LARP4B: variants seen among roughly 807,000 people sequenced by gnomAD.
LARP4B encodes La ribonucleoprotein 4B, also known as la-related protein 4B.
In LARP4B, 12 loss-of-function variants were observed where a neutral mutation model predicts 89.8. The ratio of observed to expected loss-of-function variants is 0.13; its 90% confidence interval spans 0.09 to 0.22. LARP4B has a LOEUF of 0.22. Among genes scored for constraint, LARP4B ranks in the 10% least tolerant of loss-of-function variants. The probability of loss-of-function intolerance (pLI) is 1.00; values close to 1 mark genes in which losing one functional copy is unlikely to be tolerated. For missense variants in LARP4B, 757 were observed against 947.7 expected (o/e 0.80, Z 2.64); for synonymous variants, 367 against 363.3 (o/e 1.01, Z -0.12).
At chr10:844,733 G>A (rs752270156) in intron 6 of LARP4B, among the ~76,000 whole-genome samples, 22 of 151,618 alleles carry the variant, frequency 1.5e-4, no homozygotes, top group Non-Finnish European at 2.7e-4. Context: ...AGCACAGGGC[G>A]GGCGGGGCAC....
At chr10:899,021 T>C (rs1024846168) in intron 1 of LARP4B, among the ~76,000 whole-genome samples, 3 of 152,234 alleles carry the variant, frequency 2.0e-5, no homozygotes, top group Non-Finnish European at 4.4e-5. Context: ...TCTTCATTCC[T>C]TCTTCCCTTT....
intron 14 of LARP4B, chr10:819,311 G>A (rs1045481077): frequency 1.3e-5 from 2 of 152,242 alleles, no homozygotes; most frequent in Admixed American, 6.5e-5. Context: ...CTGCCCAGAT[G>A]TGGGAGTTAC....
chr10:943,376 A>T, the LARP4B span, among the ~76,000 whole-genome samples: 2 of 152,176 alleles, frequency 1.3e-5, no homozygotes, highest in African/African-American at 2.4e-5. Context: ...TTCACAGGAC[A>T]GCAAGCATTT....
intron 1 of LARP4B, among the ~76,000 whole-genome samples, chr10:908,022 A>G (rs796495458): frequency 8.5e-5 from 13 of 152,328 alleles, no homozygotes; most frequent in Admixed American, 7.8e-4. Context: ...CCTGGCCAAC[A>G]TGGTGAAACC....
chr10:831,824 A>G (rs1832920072), intron 8 of LARP4B, among the ~76,000 whole-genome samples: 1 of 152,236 alleles, frequency 6.6e-6, no homozygotes, highest in Non-Finnish European at 1.5e-5. Flanking sequence ...AATATTCAGT[A>G]AAGTAAAATT....
chr10:926,731 C>G (rs142009807), intron 1 of LARP4B, among the ~76,000 whole-genome samples: 1 of 152,206 alleles, frequency 6.6e-6, no homozygotes, highest in African/African-American at 2.4e-5. Context: ...CTAAGCAGTA[C>G]GCTTTCAAAT....
intron 1 of LARP4B, among the ~76,000 whole-genome samples, chr10:914,134 G>C (rs1836752096): frequency 6.6e-6 from 1 of 151,968 alleles, no homozygotes; most frequent in Non-Finnish European, 1.5e-5. Flanking sequence ...CAAAAATTGA[G>C]GAAATATTCA....
At chr10:906,774 A>G (rs561898549) in intron 1 of LARP4B, among the ~76,000 whole-genome samples, 19 of 152,382 alleles carry the variant, frequency 1.2e-4, no homozygotes, top group Non-Finnish European at 7.3e-5. Flanking sequence ...ATTGAAGGAC[A>G]TATCATTGAC....
At position 814,531 on chromosome 10, in the gene LARP4B, T is replaced by A. The variant is rs368459525; in HGVS notation, c.1929+211A>T. The stretch of plus-strand genomic sequence containing the variant: ...CCAACACTGAAATAAAAGGACTACA[T>A]GGTGGTCTGAGAAAGAACTAGAGTA... On this transcript the variant is annotated intron_variant, in intron 17 of 17. Transcript: ENST00000316157. This position sits in a 1 kb window ranked among gnomAD's most constrained non-coding sequence, Gnocchi z 4.4. 9.4e-7 allele frequency: 1 copy of A among 1,058,766 alleles called. No individual in the cohort carries two copies. The highest frequency in any genetic ancestry group is 1.4e-5 in the South Asian group (1 of 70,386). The allele number at this position is 1,058,766 out of a possible 1,614,324, so 65.6% of individuals were successfully genotyped here.
At position 841,340 on chromosome 10, in the gene LARP4B, G is replaced by A. The variant is rs1323973906; in HGVS notation, c.646+1592C>T. On this transcript the variant is annotated intron_variant, in intron 7 of 17. Transcript: ENST00000316157. ...GCATGTACATTTCTGTCCAAAAATC[G>A]AGTGAAAAAAGACAAAATGAGAAAC... Among the ~76,000 whole-genome samples, 6 of 152,216 alleles carry A rather than the reference G, an allele frequency of 3.9e-5. No individual in the cohort carries two copies. In the East Asian group the frequency reaches 7.7e-4, roughly 20 times the overall value.
chr10:921,969 C>G (rs1836992078), intron 1 of LARP4B, among the ~76,000 whole-genome samples: 1 of 152,148 alleles, frequency 6.6e-6, no homozygotes, highest in Non-Finnish European at 1.5e-5. Context: ...TCATCAGTTA[C>G]TCATTTTCAC....
At chr10:907,788 C>T (rs769700530) in intron 1 of LARP4B, among the ~76,000 whole-genome samples, 22 of 152,136 alleles carry the variant, frequency 1.4e-4, no homozygotes, top group Admixed American at 2.6e-4. Flanking sequence ...CCAGAAAGAC[C>T]GAGGCAGAAT....
chr10:978,328 C>T, the LARP4B span, among the ~76,000 whole-genome samples: 442 of 152,216 alleles, frequency 2.9e-3, 4 homozygotes, highest in African/African-American at 9.6e-3. Context: ...AGTCAATTTT[C>T]GCATTCTATA....
At chr10:860,465 C>T (rs1428275514) in intron 5 of LARP4B, among the ~76,000 whole-genome samples, 1 of 152,120 alleles carries the variant, frequency 6.6e-6, no homozygotes, top group Non-Finnish European at 1.5e-5. Flanking sequence ...CTACTCCATT[C>T]CTAGGTATTT....
chr10:933,580 T>C (rs920901164), upstream of LARP4B, among the ~76,000 whole-genome samples: 2 of 152,220 alleles, frequency 1.3e-5, no homozygotes, highest in African/African-American at 4.8e-5. Context: ...ATAATTATAT[T>C]CATAGTAATG....
intron 1 of LARP4B, among the ~76,000 whole-genome samples, chr10:910,037 T>C (rs1267471701): frequency 3.9e-5 from 6 of 152,314 alleles, no homozygotes; most frequent in East Asian, 1.9e-4. Context: ...GGGACTTCTG[T>C]CATGCCTCCC....
At chr10:931,782 C>A (rs1237244797), upstream of LARP4B, 1 of 151,438 alleles carries the variant, frequency 6.6e-6, no homozygotes, top group African/African-American at 2.4e-5. Flanking sequence ...CACTCACCCG[C>A]CGGTCCCGCG....
intron 3 of LARP4B, among the ~76,000 whole-genome samples, chr10:868,037 C>T (rs1367402290): frequency 1.3e-5 from 2 of 151,732 alleles, no homozygotes; most frequent in Non-Finnish European, 2.9e-5. Context: ...TAAACCCTTC[C>T]ACCCCACCCC....
chr10:859,579 A>G (rs1336694794), intron 5 of LARP4B, among the ~76,000 whole-genome samples: 1 of 152,210 alleles, frequency 6.6e-6, no homozygotes, highest in Non-Finnish European at 1.5e-5. Flanking sequence ...CTGCACATGA[A>G]TGCTAACAGC....
Sources: allele counts gnomAD v4.1 joint callset (sites outside exome capture counted in the v4.1 genomes callset), GRCh38; gene constraint gnomAD v4.1.1; non-coding constraint Gnocchi (gnomAD v3.1); transcripts MANE v1.5; gene names NCBI Gene and HGNC (gene_info 2026-07-23, HGNC 2026-07-21).